COTL1: variants seen among roughly 807,000 people sequenced by gnomAD.
The protein encoded by COTL1 is coactosin like F-actin binding protein 1, also known as coactosin-like protein.
Under a neutral mutation model 16.5 loss-of-function variants are expected in COTL1, and 15 were observed. The ratio of observed to expected loss-of-function variants is 0.91; its 90% CI spans 0.61 to 1.40. The LOEUF is 1.40. COTL1 is among the 40% of genes most tolerant of loss of function. The pLI is 0.00. For synonymous variants in COTL1, 112 were observed against 85.3 expected (o/e 1.31, Z -1.73); for missense variants, 220 against 201.5 (o/e 1.09, Z -0.56).
chr16:84,568,088 C>G (rs972986930), intron 3 of COTL1: 1 of 152,216 alleles, frequency 6.6e-6, no homozygotes, highest in African/African-American at 2.4e-5. Context: ...ACCTCTGCCC[C>G]CAGGGTTCAA....
intron 3 of COTL1, 75 bp from the exon 4 acceptor site, chr16:84,567,030 C>G: frequency 1.0e-6 from 1 of 985,316 alleles, no homozygotes; most frequent in Non-Finnish European, 1.6e-6. Context: ...TCAGGCAACA[C>G]ACTGGGAAGC....
chr16:84,571,466 C>A (rs1233849663), intron 3 of COTL1, among the ~76,000 whole-genome samples: 1 of 152,130 alleles, frequency 6.6e-6, no homozygotes, highest in Non-Finnish European at 1.5e-5. Flanking sequence ...GGCAGTCATG[C>A]CCCAGCCCAC....
intron 2 of COTL1, among the ~76,000 whole-genome samples, chr16:84,597,777 T>C (rs959964996): frequency 6.6e-6 from 1 of 152,156 alleles, no homozygotes; most frequent in African/African-American, 2.4e-5. Flanking sequence ...AATGACTGCA[T>C]GAAGCAGCTT....
intron 2 of COTL1, among the ~76,000 whole-genome samples, chr16:84,600,721 A>G (rs996221943): frequency 3.9e-5 from 6 of 152,292 alleles, no homozygotes; most frequent in African/African-American, 1.4e-4. Context: ...CCCACGCAGG[A>G]GACTCCTCAA....
intron 2 of COTL1, among the ~76,000 whole-genome samples, chr16:84,598,028 T>A (rs1300418849): frequency 6.6e-6 from 1 of 152,174 alleles, no homozygotes; most frequent in African/African-American, 2.4e-5. Flanking sequence ...GAGCCCCATC[T>A]CAGGGCTGCC....
In COTL1 at chr16:84,565,869, C is replaced by T. The variant is rs1399095172; in HGVS notation, c.*976G>A. The T allele has an allele frequency of 4.6e-5, 7 of 152,302 alleles. No homozygotes were observed. Among genetic ancestry groups the T allele is most frequent in the African/African-American group, 1.7e-4 (7 of 41,472 alleles). The allele number at this position is 152,302 out of a possible 1,614,324, so 9.4% of individuals were successfully genotyped here. A position where few individuals can be genotyped will look rare whatever the true frequency, so the allele number is the denominator to read the frequency against. ...TGTGAGCCCAGGGCTTTGCTCAGCT[C>T]ACAGCTAGCGCGGCGGGCAGAGCAA... On this transcript the variant is annotated 3_prime_UTR_variant, in exon 4 of 4. Coordinates refer to ENST00000262428, the MANE Select transcript of COTL1 (RefSeq NM_021149.5).
At chr16:84,583,130 G>A (rs143244434) in intron 3 of COTL1, among the ~76,000 whole-genome samples, 14 of 152,304 alleles carry the variant, frequency 9.2e-5, no homozygotes, top group Middle Eastern at 3.4e-3. Flanking sequence ...TGGCCGTGTC[G>A]GGGCTCTGAG....
chr16:84,593,606 G>C (rs1406728304), intron 2 of COTL1, among the ~76,000 whole-genome samples: 1 of 151,792 alleles, frequency 6.6e-6, no homozygotes, highest in African/African-American at 2.4e-5. Flanking sequence ...CCGCCTCCCG[G>C]GTTCACACCA....
intron 3 of COTL1, chr16:84,576,067 C>G (rs1280499151): frequency 6.6e-6 from 1 of 152,194 alleles, no homozygotes; most frequent in Non-Finnish European, 1.5e-5. Context: ...CTTCTCATTC[C>G]TAACGTTTAT....
chr16:84,610,701 G>T (rs56193744), intron 2 of COTL1, among the ~76,000 whole-genome samples: 2 of 151,676 alleles, frequency 1.3e-5, no homozygotes, highest in African/African-American at 4.8e-5. Context: ...GAAGGGAGAG[G>T]TTCCCCCAAA....
At chr16:84,611,170 C>T (rs1905315606) in intron 2 of COTL1, among the ~76,000 whole-genome samples, 1 of 152,236 alleles carries the variant, frequency 6.6e-6, no homozygotes. Context: ...TCGTTCAAAG[C>T]AAGACGCCCC....
At chr16:84,585,876 C>T (rs999549644) in intron 3 of COTL1, among the ~76,000 whole-genome samples, 1 of 152,204 alleles carries the variant, frequency 6.6e-6, no homozygotes, top group East Asian at 1.9e-4. Context: ...GAGCCTGCAC[C>T]TGTAGTTCAG....
chr16:84,568,371 T>C (rs1904307830), intron 3 of COTL1: 1 of 152,118 alleles, frequency 6.6e-6, no homozygotes, highest in Non-Finnish European at 1.5e-5. Context: ...GTAGTAAATA[T>C]GAATCATGGA....
chr16:84,601,700 C>A (rs1597181892), intron 2 of COTL1, among the ~76,000 whole-genome samples: 1 of 152,232 alleles, frequency 6.6e-6, no homozygotes, highest in East Asian at 1.9e-4. Context: ...GTGATCCCCC[C>A]ATCCTGGCCT....
At chr16:84,583,924 G>C (rs1209364356) in intron 3 of COTL1, among the ~76,000 whole-genome samples, 2 of 152,138 alleles carry the variant, frequency 1.3e-5, no homozygotes, top group African/African-American at 4.8e-5. Context: ...CTGGCTCCGT[G>C]AACGTTCATA....
chr16:84,575,342 CTTTTCA>C (rs1287317121), intron 3 of COTL1: 1 of 151,016 alleles, frequency 6.6e-6, no homozygotes, highest in Non-Finnish European at 1.5e-5. Flanking sequence ...CCAGCCCATC[CTTTTCA>C]TTTTTATTTT....
chr16:84,570,932 A>G (rs1009288577), intron 3 of COTL1, among the ~76,000 whole-genome samples: 4 of 149,806 alleles, frequency 2.7e-5, no homozygotes, highest in African/African-American at 9.8e-5. Context: ...AATGTGCAAA[A>G]TTGAGTCTTC....
chr16:84,572,236 G>A (rs1306067109), intron 3 of COTL1, among the ~76,000 whole-genome samples: 2 of 152,180 alleles, frequency 1.3e-5, no homozygotes, highest in Non-Finnish European at 2.9e-5. Flanking sequence ...AGCCTGCGTG[G>A]AGCAGCTGAA....
At chr16:84,592,883 C>G (rs928264503) in intron 2 of COTL1, among the ~76,000 whole-genome samples, 1 of 152,204 alleles carries the variant, frequency 6.6e-6, no homozygotes, top group Non-Finnish European at 1.5e-5. Flanking sequence ...ACCATGAATG[C>G]GTGATCCTAG....
Sources: allele counts gnomAD v4.1 joint callset (sites outside exome capture counted in the v4.1 genomes callset), GRCh38; gene constraint gnomAD v4.1.1; transcripts MANE v1.5; gene names NCBI Gene and HGNC (gene_info 2026-07-23, HGNC 2026-07-21).